Variants in ERC2 observed in about 807,000 individuals in gnomAD.
ERC2 encodes the protein ELKS/RAB6-interacting/CAST family member 2.
Under a neutral mutation model 114.8 loss-of-function variants are expected in ERC2, and 42 were observed. That is an observed-to-expected ratio of 0.37 (90% CI 0.29 to 0.47). ERC2 has a LOEUF of 0.47. Among genes scored for constraint, ERC2 ranks in the 20% least tolerant of loss-of-function variants. The pLI, the probability that ERC2 is intolerant of heterozygous loss-of-function variation, is 0.99. For synonymous variants in ERC2, 454 were observed against 425.5 expected (o/e 1.07, Z -0.82); for missense variants, 939 against 1,150.7 (o/e 0.82, Z 2.66).
intron 2 of ERC2, among the ~76,000 whole-genome samples, chr3:56,301,355 A>T (rs1205071681): frequency 6.6e-6 from 1 of 152,102 alleles, no homozygotes; most frequent in Non-Finnish European, 1.5e-5. Flanking sequence ...TAATTTTAAG[A>T]TATTCAAAAT....
chr3:56,237,106 C>G (rs1008018747), intron 3 of ERC2, among the ~76,000 whole-genome samples: 1 of 152,124 alleles, frequency 6.6e-6, no homozygotes, highest in African/African-American at 2.4e-5. Context: ...TCCTTTAGAC[C>G]AATAAGATTT....
chr3:55,796,965 G>C (rs948749973), intron 14 of ERC2, among the ~76,000 whole-genome samples: 1 of 152,144 alleles, frequency 6.6e-6, no homozygotes, highest in Non-Finnish European at 1.5e-5. Context: ...CAAGTAACAG[G>C]CTTTAATTCA....
intron 14 of ERC2, among the ~76,000 whole-genome samples, chr3:55,779,495 T>C (rs1410466761): frequency 4.6e-5 from 7 of 151,592 alleles, no homozygotes; most frequent in Non-Finnish European, 5.9e-5. Context: ...AGTGAGACTC[T>C]GTCTCAAAAA....
intron 3 of ERC2, among the ~76,000 whole-genome samples, chr3:56,220,988 T>C (rs2049866121): frequency 6.6e-6 from 1 of 152,178 alleles, no homozygotes; most frequent in African/African-American, 2.4e-5. Context: ...TGAAAATAAT[T>C]GAGCATGCAC....
chr3:55,827,886 T>C (rs1294555176), intron 14 of ERC2, among the ~76,000 whole-genome samples: 1 of 152,198 alleles, frequency 6.6e-6, no homozygotes, highest in East Asian at 1.9e-4. Flanking sequence ...TGAGAGACTG[T>C]CATTTGGGAT....
At chr3:55,861,387 TA>T (rs1222434014) in intron 14 of ERC2, among the ~76,000 whole-genome samples, 1 of 152,184 alleles carries the variant, frequency 6.6e-6, no homozygotes, top group African/African-American at 2.4e-5. Context: ...TGGTGCCAAG[TA>T]GCAGAAATGC....
At chr3:56,240,723 T>C (rs538489782) in intron 3 of ERC2, among the ~76,000 whole-genome samples, 2 of 152,312 alleles carry the variant, frequency 1.3e-5, no homozygotes, top group South Asian at 2.1e-4. Context: ...TATCCAGCTA[T>C]TAAACTTGAA....
chr3:55,627,168 T>G (rs2059550924), intron 17 of ERC2, among the ~76,000 whole-genome samples: 1 of 152,220 alleles, frequency 6.6e-6, no homozygotes, highest in Admixed American at 6.5e-5. Context: ...CACTCTTTCT[T>G]CAGAAATTTC....
chr3:55,620,912 G>T (rs945604979), intron 17 of ERC2, among the ~76,000 whole-genome samples: 1 of 152,142 alleles, frequency 6.6e-6, no homozygotes. Context: ...CATAACTGTT[G>T]TCATTTAGGC....
At chr3:56,207,505 G>C (rs2150113396) in intron 3 of ERC2, among the ~76,000 whole-genome samples, 1 of 151,946 alleles carries the variant, frequency 6.6e-6, no homozygotes, top group South Asian at 2.1e-4. Context: ...ATCATATATT[G>C]AGATATTTCC....
intron 2 of ERC2, among the ~76,000 whole-genome samples, chr3:56,334,542 TCTAATAA>T (rs1396349902): frequency 6.6e-6 from 1 of 152,216 alleles, no homozygotes; most frequent in Admixed American, 6.5e-5. Context: ...TCTTTTTGTC[TCTAATAA>T]CTATAAACAT....
intron 2 of ERC2, among the ~76,000 whole-genome samples, chr3:56,362,791 G>A (rs1018926884): frequency 1.1e-4 from 17 of 152,250 alleles, no homozygotes; most frequent in Admixed American, 2.6e-4. Context: ...TGTTAGAGCA[G>A]AGAGGGACCT....
Position 55,583,509 on chromosome 3 carries a change from C to T in ERC2, c.*40-72233G>A, listed in dbSNP as rs1370254817. On this transcript the variant is annotated intron_variant, in intron 17 of 17. Transcript: ENST00000288221. The stretch of plus-strand genomic sequence containing the variant: ...CATCCCTCTCTCCTTCCCTCCCTCC[C>T]TCCCTCCCTCCCTCCCTTCCTTCCT... 5.8e-5 allele frequency among the ~76,000 whole-genome samples: 3 copies of T among 52,118 alleles called. No homozygotes were observed. The East Asian group carries it at 1.4e-3, about 24-fold the overall frequency. The allele number at this position is 52,118 out of a possible 152,430, so 34.2% of individuals were successfully genotyped here.
At chr3:56,291,677 G>T (rs1002034294) in intron 3 of ERC2, among the ~76,000 whole-genome samples, 1 of 152,082 alleles carries the variant, frequency 6.6e-6, no homozygotes, top group African/African-American at 2.4e-5. Context: ...ATGAAATCAG[G>T]AACACACTGA....
intron 5 of ERC2, 59 bp downstream of exon 5, chr3:56,148,918 G>A: frequency 2.0e-6 from 3 of 1,511,050 alleles, no homozygotes; most frequent in Admixed American, 1.8e-5. Context: ...AAGTATGTAT[G>A]TAAACTGTAA....
chr3:56,406,411 T>C (rs926669626), intron 2 of ERC2, among the ~76,000 whole-genome samples: 5 of 152,116 alleles, frequency 3.3e-5, no homozygotes, highest in Non-Finnish European at 7.4e-5. Context: ...TCCCCAGGGA[T>C]GTACACAAAG....
intron 15 of ERC2, among the ~76,000 whole-genome samples, chr3:55,713,796 C>T (rs1240959044): frequency 6.6e-6 from 1 of 152,174 alleles, no homozygotes; most frequent in African/African-American, 2.4e-5. Context: ...GTTCAATCAA[C>T]TATAAATCCA....
chr3:55,809,363 CA>C (rs1436702182), intron 14 of ERC2, among the ~76,000 whole-genome samples: 1 of 151,906 alleles, frequency 6.6e-6, no homozygotes, highest in Non-Finnish European at 1.5e-5. Context: ...ACACAGGCAA[CA>C]AAAACAAAAG....
At chr3:56,131,890 T>A (rs1230740305) in intron 6 of ERC2, among the ~76,000 whole-genome samples, 1 of 152,222 alleles carries the variant, frequency 6.6e-6, no homozygotes, top group East Asian at 1.9e-4. Flanking sequence ...ACAGATATGT[T>A]AATTACCATG....
Sources: allele counts gnomAD v4.1 joint callset (sites outside exome capture counted in the v4.1 genomes callset), GRCh38; gene constraint gnomAD v4.1.1; transcripts MANE v1.5; gene names NCBI Gene and HGNC (gene_info 2026-07-23, HGNC 2026-07-21).